Variants in MSRA observed in about 807,000 individuals in gnomAD.
MSRA encodes methionine sulfoxide reductase A, also known as mitochondrial peptide methionine sulfoxide reductase.
MSRA carries 54 observed loss-of-function variants against 31.3 expected under a neutral mutation model. The ratio of observed to expected loss-of-function variants is 1.73; its 90% CI spans 1.39 to 2.17. The LOEUF (loss-of-function observed/expected upper bound fraction) is 2.17. Among genes scored for constraint, MSRA ranks in the 30% most tolerant of loss-of-function variants. The pLI is 0.00. For synonymous variants in MSRA, 169 were observed against 116.5 expected (o/e 1.45, Z -2.90); for missense variants, 507 against 300.9 (o/e 1.69, Z -5.07).
At chr8:10,122,133 C>T (rs1258592308) in intron 1 of MSRA, among the ~76,000 whole-genome samples, 1 of 152,004 alleles carries the variant, frequency 6.6e-6, no homozygotes, top group East Asian at 1.9e-4. Flanking sequence ...GCAGAGCTAC[C>T]CAGCATGCTG....
intron 1 of MSRA, among the ~76,000 whole-genome samples, chr8:10,200,545 G>A (rs978070411): frequency 4.6e-5 from 7 of 152,108 alleles, no homozygotes; most frequent in African/African-American, 1.2e-4. Flanking sequence ...GCTGGTTGTC[G>A]CTTGCCTTCC....
At chr8:10,222,907 A>G (rs961812006) in intron 2 of MSRA, among the ~76,000 whole-genome samples, 4 of 152,208 alleles carry the variant, frequency 2.6e-5, no homozygotes, top group African/African-American at 7.2e-5. Flanking sequence ...TGGTGACTAT[A>G]GTTAATAATA....
intron 5 of MSRA, among the ~76,000 whole-genome samples, chr8:10,362,238 C>T (rs978779034): frequency 6.6e-6 from 1 of 152,122 alleles, no homozygotes; most frequent in South Asian, 2.1e-4. Flanking sequence ...TGCCCCAGTG[C>T]AGATGCTCAG....
Position 10,283,160 on chromosome 8 carries a change from A to ACACACACACACTCTCTCTCTCTCTCT in MSRA, c.332-18373_332-18372insACACACACACTCTCTCTCTCTCTCTC. Among the ~76,000 whole-genome samples the ACACACACACACTCTCTCTCTCTCTCT allele has an allele frequency of 1.4e-4, 19 of 140,318 alleles. 1 individual carries two copies. Among genetic ancestry groups the ACACACACACACTCTCTCTCTCTCTCT allele is most frequent in the African/African-American group, 4.9e-4 (18 of 36,896 alleles). 92.1% of individuals were successfully genotyped at this position (140,318 alleles called of 152,430 possible). On this transcript the variant is annotated intron_variant, in intron 3 of 5. Coordinates refer to ENST00000317173, the MANE Select transcript of MSRA (RefSeq NM_012331.5). The stretch of plus-strand genomic sequence containing the variant: ...CACACACACACACACACACACACAC[A>ACACACACACACTCTCTCTCTCTCTCT]CTCTCACCCTTCTCTTTGCTGGGGA...
At chr8:10,289,800 T>G (rs1358961174) in intron 3 of MSRA, among the ~76,000 whole-genome samples, 1 of 152,202 alleles carries the variant, frequency 6.6e-6, no homozygotes, top group African/African-American at 2.4e-5. Flanking sequence ...AACCTGTCTT[T>G]GCTTGGAGAG....
chr8:10,297,170 C>T (rs182027458), intron 3 of MSRA, among the ~76,000 whole-genome samples: 46 of 152,222 alleles, frequency 3.0e-4, no homozygotes, highest in African/African-American at 1.1e-3. Context: ...TTCCTGGCCC[C>T]AGGTCATGCT....
chr8:10,358,302 A>G (rs1293125544), intron 5 of MSRA, among the ~76,000 whole-genome samples: 1 of 152,260 alleles, frequency 6.6e-6, no homozygotes, highest in Non-Finnish European at 1.5e-5. Context: ...TTATTACAAT[A>G]GTCCCAATAA....
intron 1 of MSRA, among the ~76,000 whole-genome samples, chr8:10,068,091 C>T (rs1005402261): frequency 8.6e-5 from 13 of 151,902 alleles, no homozygotes; most frequent in African/African-American, 2.9e-4. Flanking sequence ...GCTGTGTTTG[C>T]CAGGCTGATG....
intron 5 of MSRA, among the ~76,000 whole-genome samples, chr8:10,376,600 C>T (rs1805769896): frequency 1.3e-5 from 2 of 152,204 alleles, no homozygotes; most frequent in Admixed American, 1.3e-4. Flanking sequence ...TACTACCTGA[C>T]ACACAGTAAG....
chr8:10,233,229 C>A (rs1292857975), intron 2 of MSRA, among the ~76,000 whole-genome samples: 1 of 152,228 alleles, frequency 6.6e-6, no homozygotes, highest in African/African-American at 2.4e-5. Flanking sequence ...ACTCTAATCA[C>A]CTTCGTGTAG....
intron 5 of MSRA, among the ~76,000 whole-genome samples, chr8:10,415,650 C>A (rs1482535088): frequency 6.6e-6 from 1 of 152,128 alleles, no homozygotes; most frequent in Non-Finnish European, 1.5e-5. Flanking sequence ...GTCGCCCTCA[C>A]CCTGGCCTAG....
At chr8:10,399,733 A>T (rs1421333240) in intron 5 of MSRA, among the ~76,000 whole-genome samples, 1 of 152,130 alleles carries the variant, frequency 6.6e-6, no homozygotes, top group Non-Finnish European at 1.5e-5. Context: ...GGTGCAATGG[A>T]TGGTGGTAGC....
intron 5 of MSRA, among the ~76,000 whole-genome samples, chr8:10,400,361 C>CTG (rs778722885): frequency 0.074 from 10,894 of 147,472 alleles, 1,095 homozygotes; most frequent in African/African-American, 0.23. Flanking sequence ...TATTCAGGCT[C>CTG]TGTGTGTGTG....
intron 3 of MSRA, among the ~76,000 whole-genome samples, chr8:10,249,028 A>T (rs952252240): frequency 1.3e-5 from 2 of 152,062 alleles, no homozygotes; most frequent in Non-Finnish European, 2.9e-5. Context: ...CCTCAGTAGG[A>T]GGTTGGTGAG....
intron 5 of MSRA, among the ~76,000 whole-genome samples, chr8:10,423,772 C>G (rs1027410636): frequency 2.0e-5 from 3 of 152,164 alleles, no homozygotes; most frequent in African/African-American, 7.2e-5. Context: ...CTGAGTCCGT[C>G]GTCCCCTTCT....
chr8:10,114,755 A>G (rs1196566723), intron 1 of MSRA, among the ~76,000 whole-genome samples: 1 of 152,230 alleles, frequency 6.6e-6, no homozygotes, highest in Non-Finnish European at 1.5e-5. Context: ...ACTAAAGGGA[A>G]GAAAGGAAGC....
intron 5 of MSRA, among the ~76,000 whole-genome samples, chr8:10,354,982 C>G (rs972251411): frequency 1.1e-4 from 16 of 152,030 alleles, no homozygotes; most frequent in African/African-American, 3.9e-4. Context: ...AATAAGTTCC[C>G]AGAAGAGGAA....
intron 3 of MSRA, among the ~76,000 whole-genome samples, chr8:10,255,303 G>C (rs985583863): frequency 3.3e-5 from 5 of 152,202 alleles, no homozygotes; most frequent in Non-Finnish European, 5.9e-5. Flanking sequence ...CAGAGGGAAG[G>C]GGCCTTTTAA....
At chr8:10,060,497 C>G (rs1356594061) in intron 1 of MSRA, among the ~76,000 whole-genome samples, 1 of 152,180 alleles carries the variant, frequency 6.6e-6, no homozygotes, top group Non-Finnish European at 1.5e-5. Flanking sequence ...AAGACATAGA[C>G]TTTTGATGCT....
Sources: allele counts gnomAD v4.1 joint callset (sites outside exome capture counted in the v4.1 genomes callset), GRCh38; gene constraint gnomAD v4.1.1; transcripts MANE v1.5; gene names NCBI Gene and HGNC (gene_info 2026-07-23, HGNC 2026-07-21).